Variants in TMEM233 observed in about 807,000 individuals in gnomAD.
TMEM233 encodes dispanin subfamily B member 2.
Under a neutral mutation model 11.2 loss-of-function variants are expected in TMEM233, and 6 were observed. The ratio of observed to expected loss-of-function variants is 0.54; its 90% CI spans 0.29 to 1.06. The LOEUF is 1.06. Ranked by LOEUF, TMEM233 falls within the 50% of genes least tolerant of loss-of-function variation. TMEM233 has a pLI of 0.08. For synonymous variants in TMEM233, 59 were observed against 55.8 expected, an observed-to-expected ratio of 1.06 and a Z score of -0.26; for missense variants, 127 against 144.7, an observed-to-expected ratio of 0.88 and a Z score of 0.63.
At chr12:119,628,763 G>T (rs1566110775) in intron 1 of TMEM233, among the ~76,000 whole-genome samples, 1 of 151,446 alleles carries the variant, frequency 6.6e-6, no homozygotes, top group African/African-American at 2.4e-5. Flanking sequence ...TCCTCCCAAA[G>T]TGCTGGGATT....
chr12:119,625,912 C>A (rs1362096602), intron 1 of TMEM233, among the ~76,000 whole-genome samples: 1 of 152,098 alleles, frequency 6.6e-6, no homozygotes, highest in Non-Finnish European at 1.5e-5. Flanking sequence ...CGAATTTCCC[C>A]AATTATCCCG....
chr12:119,613,239 G>C (rs1427206730), intron 1 of TMEM233, among the ~76,000 whole-genome samples: 5 of 150,796 alleles, frequency 3.3e-5, no homozygotes, highest in Non-Finnish European at 7.4e-5. Flanking sequence ...AAGGGCTACA[G>C]GTTGGAAAAT....
the TMEM233 span, among the ~76,000 whole-genome samples, chr12:119,650,567 G>A: frequency 3.3e-5 from 5 of 152,202 alleles, no homozygotes; most frequent in Admixed American, 3.3e-4. Context: ...TCTGTGAGAT[G>A]AACTTTTACG....
At chr12:119,615,173 T>TAAAAAAAAAAAAGAAAAAAAAAA (rs1954496583) in intron 1 of TMEM233, among the ~76,000 whole-genome samples, 1 of 56,184 alleles carries the variant, frequency 1.8e-5, no homozygotes. Context: ...CGCTTTCTGC[T>TAAAAAAAAAAAAGAAAAAAAAAA]AAAAAAAAAA....
At chr12:119,607,012 G>A (rs149150457) in intron 1 of TMEM233, among the ~76,000 whole-genome samples, 6 of 152,290 alleles carry the variant, frequency 3.9e-5, no homozygotes, top group African/African-American at 1.4e-4. Context: ...AAAATTGTCT[G>A]TGCAAAGAGA....
downstream of TMEM233, among the ~76,000 whole-genome samples, chr12:119,644,478 C>CT (rs58075242): frequency 5.6e-3 from 716 of 126,962 alleles, 3 homozygotes; most frequent in Non-Finnish European, 7.1e-3. Context: ...TTTTTCTTTT[C>CT]TTTTTTTTTT....
At chr12:119,624,464 T>TTA (rs753041799) in intron 1 of TMEM233, among the ~76,000 whole-genome samples, 2 of 152,256 alleles carry the variant, frequency 1.3e-5, no homozygotes, top group African/African-American at 2.4e-5. Flanking sequence ...CAGTGGAATA[T>TTA]TATATATATC....
At position 119,614,965 on chromosome 12, in the gene TMEM233, TTC is replaced by T. The variant is rs201166939; in HGVS notation, c.187-14769_187-14768del. 5.0e-3 allele frequency among the ~76,000 whole-genome samples: 758 copies of T among 152,020 alleles called. 6 individuals are homozygous for T. Among genetic ancestry groups the T allele is most frequent in the African/African-American group, 0.017 (720 of 41,442 alleles). ...TCATCTCTCTCCTCTCTCCTCTCTT[TTC>T]TTTCCTTTCTTGTACCCTCTCCTCT... On this transcript the variant is annotated intron_variant, in intron 1 of 2. Coordinates refer to ENST00000426426, the MANE Select transcript of TMEM233 (RefSeq NM_001136534.3).
intron 2 of TMEM233, among the ~76,000 whole-genome samples, chr12:119,632,206 T>C (rs1201850174): frequency 6.6e-6 from 1 of 152,112 alleles, no homozygotes; most frequent in East Asian, 1.9e-4. Flanking sequence ...CCTCATTGAG[T>C]CTTCACAGCA....
rs563188873 is a variant in TMEM233 at position 119,595,009 on chromosome 12, G to T, written c.186+975G>T. 6.6e-6 allele frequency among the ~76,000 whole-genome samples: 1 copy of T among 152,188 alleles called. No homozygotes were observed. Among genetic ancestry groups the T allele is most frequent in the African/African-American group, 2.4e-5 (1 of 41,452 alleles). ...ACGTGCGGCTCCGCCCGCCCTCTGCGCTCAGACCTCCCGAGCTGCCCGCCT... is the reference window on the plus strand; with the variant it reads ...ACGTGCGGCTCCGCCCGCCCTCTGCTCTCAGACCTCCCGAGCTGCCCGCCT... On this transcript the variant is annotated intron_variant, in intron 1 of 2. Coordinates refer to ENST00000426426, the MANE Select transcript of TMEM233 (RefSeq NM_001136534.3). The surrounding 1 kb of genome is among the most constrained non-coding windows in gnomAD (Gnocchi z 4.3).
In TMEM233 at chr12:119,597,868, C is replaced by T. The variant is rs1032188209; in HGVS notation, c.186+3834C>T. Among the ~76,000 whole-genome samples, 6 of 152,182 alleles carry T rather than the reference C, an allele frequency of 3.9e-5. 1 individual carries two copies. Among genetic ancestry groups the T allele is most frequent in the South Asian group, 2.1e-4 (1 of 4,826 alleles). On this transcript the variant is annotated intron_variant, in intron 1 of 2. Coordinates refer to ENST00000426426, the MANE Select transcript of TMEM233 (RefSeq NM_001136534.3). ...GGACGCATGTCTCAAGAATTTCCCC[C>T]TAGACTGGGTTCCTGGTAGCTCATA...
intron 1 of TMEM233, among the ~76,000 whole-genome samples, chr12:119,599,147 C>T (rs183847099): frequency 2.6e-5 from 4 of 152,290 alleles, no homozygotes; most frequent in East Asian, 3.9e-4. Context: ...TTCGATTAAT[C>T]GTGAAATATT....
intron 1 of TMEM233, among the ~76,000 whole-genome samples, chr12:119,616,492 T>A (rs11064847): frequency 0.28 from 42,472 of 152,006 alleles, 6,554 homozygotes; most frequent in Middle Eastern, 0.37. Context: ...AAATTATGAG[T>A]GCTATAGCTT....
At chr12:119,640,261 TC>T in intron 2 of TMEM233, among the ~76,000 whole-genome samples, 1 of 152,274 alleles carries the variant, frequency 6.6e-6, no homozygotes, top group Non-Finnish European at 1.5e-5. Flanking sequence ...TTCACGCCAT[TC>T]TCCTGCCTCA....
At chr12:119,626,441 G>A (rs1327743206) in intron 1 of TMEM233, among the ~76,000 whole-genome samples, 1 of 146,618 alleles carries the variant, frequency 6.8e-6, no homozygotes, top group African/African-American at 2.5e-5. Context: ...CTGCACTCCA[G>A]CCTGGGAAAC....
chr12:119,638,076 T>G (rs1342750916), intron 2 of TMEM233, among the ~76,000 whole-genome samples: 1 of 152,170 alleles, frequency 6.6e-6, no homozygotes, highest in Non-Finnish European at 1.5e-5. Context: ...CTGCTCAGTA[T>G]CCACCTTAGA....
chr12:119,629,115 G>T (rs576727501), intron 1 of TMEM233, among the ~76,000 whole-genome samples: 11 of 152,020 alleles, frequency 7.2e-5, no homozygotes, highest in African/African-American at 2.7e-4. Flanking sequence ...CTGGTATGCC[G>T]AACAAGACAG....
At chr12:119,649,282 G>A in the TMEM233 span, among the ~76,000 whole-genome samples, 1 of 151,856 alleles carries the variant, frequency 6.6e-6, no homozygotes, top group South Asian at 2.1e-4. Context: ...TGGGCCACAA[G>A]AGCAAAACTC....
At chr12:119,618,507 G>A (rs1294620664) in intron 1 of TMEM233, among the ~76,000 whole-genome samples, 1 of 152,216 alleles carries the variant, frequency 6.6e-6, no homozygotes, top group Non-Finnish European at 1.5e-5. Context: ...GAAGGGGGCT[G>A]TACCCTGCAA....
Sources: allele counts gnomAD v4.1 joint callset (sites outside exome capture counted in the v4.1 genomes callset), GRCh38; gene constraint gnomAD v4.1.1; non-coding constraint Gnocchi (gnomAD v3.1); transcripts MANE v1.5; gene names NCBI Gene and HGNC (gene_info 2026-07-23, HGNC 2026-07-21).